The following SAMMSON variants were observed in gnomAD, a reference collection of about 807,000 sequenced individuals.
The protein encoded by SAMMSON is survival associated mitochondrial melanoma specific oncogenic non-coding RNA.
At chr3:70,425,118 A>G (rs1701348521) in intron 2 of SAMMSON, 1 of 152,164 alleles carries the variant, frequency 6.6e-6, no homozygotes, top group Non-Finnish European at 1.5e-5. Context: ...GCACTATACT[A>G]TGTGTCAAGC....
At chr3:70,125,136 G>T in intron 4 of SAMMSON, 3 of 1,549,974 alleles carry the variant, frequency 1.9e-6, no homozygotes, top group Admixed American at 3.4e-5. Flanking sequence ...ACCACCATGG[G>T]TTTTCCAAAA....
At chr3:70,057,774 G>A (rs1460956463) in intron 3 of SAMMSON, among the ~76,000 whole-genome samples, 1 of 151,924 alleles carries the variant, frequency 6.6e-6, no homozygotes, top group African/African-American at 2.4e-5. Flanking sequence ...ATTGCAGAAT[G>A]TTGGTGTTGC....
intron 6 of SAMMSON, among the ~76,000 whole-genome samples, chr3:70,252,301 T>C (rs936170533): frequency 6.6e-6 from 1 of 152,162 alleles, no homozygotes; most frequent in Non-Finnish European, 1.5e-5. Context: ...TGATTTTCCA[T>C]TGGTGTATGG....
chr3:70,126,859 G>T, intron 4 of SAMMSON: 1 of 160,054 alleles, frequency 6.2e-6, no homozygotes, highest in Non-Finnish European at 1.4e-5. Flanking sequence ...GGGATTACAA[G>T]CATGTGCCAC....
At chr3:70,120,972 A>G (rs549192266) in intron 4 of SAMMSON, among the ~76,000 whole-genome samples, 7 of 152,260 alleles carry the variant, frequency 4.6e-5, no homozygotes, top group Non-Finnish European at 1.0e-4. Context: ...ACTCACCATT[A>G]TGTAGAATCA....
intron 7 of SAMMSON, among the ~76,000 whole-genome samples, chr3:70,331,226 T>C (rs995514814): frequency 6.6e-6 from 1 of 152,220 alleles, no homozygotes; most frequent in Non-Finnish European, 1.5e-5. Context: ...ATATATTTTT[T>C]TCTCTCCAAT....
chr3:70,020,111 C>T (rs905289019), intron 3 of SAMMSON, among the ~76,000 whole-genome samples: 3 of 152,106 alleles, frequency 2.0e-5, no homozygotes, highest in Non-Finnish European at 4.4e-5. Context: ...GGTGTTCCTG[C>T]AGCATATGAG....
intron 4 of SAMMSON, among the ~76,000 whole-genome samples, chr3:70,076,625 G>A (rs574950274): frequency 6.7e-4 from 102 of 152,224 alleles, no homozygotes; most frequent in Non-Finnish European, 1.2e-3. Context: ...AAAATTGGCC[G>A]CTGAAAAACA....
At chr3:70,297,401 C>T (rs540903386) in intron 7 of SAMMSON, among the ~76,000 whole-genome samples, 2 of 152,068 alleles carry the variant, frequency 1.3e-5, no homozygotes, top group Admixed American at 1.3e-4. Context: ...GATATTTGAG[C>T]CACTCAAAGG....
intron 2 of SAMMSON, among the ~76,000 whole-genome samples, chr3:70,404,910 C>T (rs1701167269): frequency 6.6e-6 from 1 of 152,064 alleles, no homozygotes; most frequent in South Asian, 2.1e-4. Context: ...GAGAAAGAAT[C>T]TCCAAAAATC....
At chr3:70,027,437 GC>G (rs922615962) in intron 3 of SAMMSON, among the ~76,000 whole-genome samples, 5 of 152,160 alleles carry the variant, frequency 3.3e-5, no homozygotes, top group African/African-American at 1.2e-4. Flanking sequence ...TTTCTTGAAA[GC>G]CTTGACTGAA....
At chr3:70,116,272 T>C (rs2106663874) in intron 4 of SAMMSON, among the ~76,000 whole-genome samples, 1 of 148,062 alleles carries the variant, frequency 6.8e-6, no homozygotes, top group African/African-American at 2.5e-5. Context: ...TTTCAAGTTT[T>C]AGGAGAAGGG....
chr3:70,066,934 A>G (rs2067212047), intron 3 of SAMMSON, among the ~76,000 whole-genome samples: 1 of 152,158 alleles, frequency 6.6e-6, no homozygotes, highest in South Asian at 2.1e-4. Flanking sequence ...AAATATGTTC[A>G]GTGGCTAAGC....
At chr3:70,106,997 G>A (rs1036317750) in intron 4 of SAMMSON, among the ~76,000 whole-genome samples, 1 of 152,182 alleles carries the variant, frequency 6.6e-6, no homozygotes, top group Admixed American at 6.5e-5. Flanking sequence ...TGGAGCTGGG[G>A]ACAGAGCAGC....
intron 4 of SAMMSON, among the ~76,000 whole-genome samples, chr3:70,085,934 T>C (rs2067283774): frequency 6.6e-6 from 1 of 152,232 alleles, no homozygotes; most frequent in South Asian, 2.1e-4. Flanking sequence ...CTAGGGCTTC[T>C]GTTTCAATTT....
At chr3:70,165,625 A>T (rs2067633783) in intron 4 of SAMMSON, among the ~76,000 whole-genome samples, 1 of 151,994 alleles carries the variant, frequency 6.6e-6, no homozygotes, top group African/African-American at 2.4e-5. Flanking sequence ...CCTAAGACAT[A>T]GAGGAAGTTG....
At chr3:70,059,079 CAAG>C (rs1243134714) in intron 3 of SAMMSON, among the ~76,000 whole-genome samples, 6 of 152,020 alleles carry the variant, frequency 3.9e-5, no homozygotes, top group African/African-American at 1.4e-4. Flanking sequence ...TTTTTTCTAA[CAAG>C]GAGCTCGTTC....
At chr3:70,369,487 A>T (rs1702947731) in intron 9 of SAMMSON, among the ~76,000 whole-genome samples, 1 of 150,216 alleles carries the variant, frequency 6.7e-6, no homozygotes, top group Non-Finnish European at 1.5e-5. Context: ...AAGCAGTTTA[A>T]TTTTTTTTCC....
intron 6 of SAMMSON, among the ~76,000 whole-genome samples, chr3:70,253,487 C>T (rs185112001): frequency 6.6e-6 from 1 of 152,348 alleles, no homozygotes; most frequent in East Asian, 1.9e-4. Context: ...GGCACAGTGG[C>T]TCATGCCTGT....
Sources: gnomAD v4.1 joint callset for allele counts (sites outside exome capture counted in the v4.1 genomes callset) on GRCh38, gnomAD v4.1.1 for gene constraint, MANE v1.5 for transcripts, NCBI Gene and HGNC (gene_info 2026-07-23, HGNC 2026-07-21) for gene names.